FOXP1: variants seen among roughly 807,000 people sequenced by gnomAD.
FOXP1 encodes the protein forkhead box protein P1.
A neutral mutation model predicts 98.2 loss-of-function variants in FOXP1; 15 were observed. That is an observed-to-expected ratio of 0.15 (90% confidence interval 0.10 to 0.24). The LOEUF (loss-of-function observed/expected upper bound fraction) is 0.24, where lower values mean the gene tolerates loss of function less well. Among genes scored for constraint, FOXP1 ranks in the 10% least tolerant of loss-of-function variants. The pLI is 1.00. For missense variants in FOXP1, 633 were observed against 848.5 expected (o/e 0.75, Z 3.15); for synonymous variants, 371 against 314.5 (o/e 1.18, Z -1.90).
rs141922129 is a variant in FOXP1, at chr3:71,492,596, G to A, written c.-168+830C>T. ...TTTAGAATTTGCTTCCAATACTACTGCACTAAGACAGAAAAAGATGAGGGT... is the reference window on the plus strand; with the variant it reads ...TTTAGAATTTGCTTCCAATACTACTACACTAAGACAGAAAAAGATGAGGGT... On this transcript the variant is annotated intron_variant, in intron 3 of 20. Coordinates refer to ENST00000649528, the MANE Select transcript of FOXP1 (RefSeq NM_001349338.3). Among the ~76,000 whole-genome samples the A allele has an allele frequency of 3.8e-3, 577 of 152,100 alleles. 1 individual carries two copies. The highest frequency in any genetic ancestry group is 6.0e-3 in the Non-Finnish European group (407 of 68,004).
chr3:71,381,172 A>C (rs1233746303), intron 3 of FOXP1, among the ~76,000 whole-genome samples: 1 of 142,176 alleles, frequency 7.0e-6, no homozygotes, highest in African/African-American at 2.6e-5. Context: ...TTTTTTTGAG[A>C]TGGAGTCTTG....
At chr3:71,289,395 T>C (rs1249158057) in intron 5 of FOXP1, 2 of 151,882 alleles carry the variant, frequency 1.3e-5, no homozygotes, top group Non-Finnish European at 2.9e-5. Context: ...CAGGCTGGAG[T>C]GAAGTGGTTA....
chr3:71,290,064 T>A (rs1049012749), intron 5 of FOXP1: 1 of 152,212 alleles, frequency 6.6e-6, no homozygotes, highest in Non-Finnish European at 1.5e-5. Flanking sequence ...CAGGACTACA[T>A]ATCCAAATGC....
At chr3:71,360,279 T>C (rs569382820) in intron 3 of FOXP1, among the ~76,000 whole-genome samples, 14 of 152,274 alleles carry the variant, frequency 9.2e-5, no homozygotes, top group African/African-American at 3.1e-4. Flanking sequence ...ACAGGCGCCC[T>C]ACTAGCGAAA....
At chr3:71,377,327 A>G (rs1316764257) in intron 3 of FOXP1, among the ~76,000 whole-genome samples, 1 of 152,252 alleles carries the variant, frequency 6.6e-6, no homozygotes, top group African/African-American at 2.4e-5. Flanking sequence ...GGCATTCAGC[A>G]AAACAATACT....
intron 4 of FOXP1, among the ~76,000 whole-genome samples, chr3:71,345,906 G>A (rs1455269241): frequency 2.5e-5 from 2 of 79,844 alleles, no homozygotes; most frequent in Non-Finnish European, 6.7e-5. Flanking sequence ...AAAGAGGAGT[G>A]AGGTGGTTAA....
chr3:71,569,780 ACTTT>A (rs2047192390), intron 2 of FOXP1, among the ~76,000 whole-genome samples: 1 of 149,974 alleles, frequency 6.7e-6, no homozygotes, highest in African/African-American at 2.4e-5. Flanking sequence ...ATCAGTCTCC[ACTTT>A]CTTTTTTTTT....
chr3:71,277,211 G>A (rs1270489185), intron 5 of FOXP1, among the ~76,000 whole-genome samples: 1 of 150,666 alleles, frequency 6.6e-6, no homozygotes, highest in Admixed American at 6.6e-5. Flanking sequence ...GCCCGACTCA[G>A]CCTTCCAAAG....
intron 3 of FOXP1, among the ~76,000 whole-genome samples, chr3:71,387,866 A>C (rs1268707402): frequency 1.3e-5 from 2 of 152,230 alleles, no homozygotes; most frequent in African/African-American, 4.8e-5. Context: ...ATTGAAAAAA[A>C]GTTTGTAACT....
At chr3:70,968,289 C>T (rs1438500391) in intron 19 of FOXP1, 1 of 151,368 alleles carries the variant, frequency 6.6e-6, no homozygotes, top group Non-Finnish European at 1.5e-5. Context: ...AACACGCTCT[C>T]TGTTAAGCAA....
At chr3:71,449,571 T>A (rs1477218432) in intron 3 of FOXP1, among the ~76,000 whole-genome samples, 1 of 152,216 alleles carries the variant, frequency 6.6e-6, no homozygotes, top group Non-Finnish European at 1.5e-5. Context: ...TCTTTGCAAC[T>A]TTGTGAGGGT....
intron 5 of FOXP1, among the ~76,000 whole-genome samples, chr3:71,205,933 A>T (rs1344948281): frequency 6.6e-6 from 1 of 152,240 alleles, no homozygotes; most frequent in East Asian, 1.9e-4. Context: ...AAGAGGAAGA[A>T]AAGAAATAGG....
At chr3:71,244,218 T>C (rs968858340) in intron 5 of FOXP1, among the ~76,000 whole-genome samples, 1 of 152,152 alleles carries the variant, frequency 6.6e-6, no homozygotes, top group Admixed American at 6.5e-5. Context: ...AACGAGTCCA[T>C]TCTACTAAAG....
intron 2 of FOXP1, among the ~76,000 whole-genome samples, chr3:71,550,235 A>C (rs974120723): frequency 1.3e-5 from 2 of 152,176 alleles, no homozygotes; most frequent in African/African-American, 4.8e-5. Context: ...ACCTGCCCCC[A>C]AGTAAAACGA....
chr3:71,433,584 T>C (rs1014644923), intron 3 of FOXP1, among the ~76,000 whole-genome samples: 3 of 152,192 alleles, frequency 2.0e-5, no homozygotes, highest in Non-Finnish European at 4.4e-5. Context: ...TAAACTAAAA[T>C]AAAAATCCAC....
At chr3:71,053,274 A>G (rs2050156965) in intron 8 of FOXP1, among the ~76,000 whole-genome samples, 1 of 152,204 alleles carries the variant, frequency 6.6e-6, no homozygotes, top group East Asian at 1.9e-4. Flanking sequence ...AAATGGGGAC[A>G]TCAAGAGCTG....
chr3:71,136,283 T>C (rs1215433539), intron 6 of FOXP1, among the ~76,000 whole-genome samples: 9 of 152,238 alleles, frequency 5.9e-5, no homozygotes, highest in Non-Finnish European at 4.4e-5. Flanking sequence ...GAAGCTACCC[T>C]TTCCTGTTAT....
chr3:71,399,392 A>T (rs942171059), intron 3 of FOXP1, among the ~76,000 whole-genome samples: 2 of 152,256 alleles, frequency 1.3e-5, no homozygotes, highest in Non-Finnish European at 2.9e-5. Flanking sequence ...ACACTTAAGG[A>T]AAGTATAAAA....
intron 2 of FOXP1, among the ~76,000 whole-genome samples, chr3:71,520,536 G>A (rs1341950445): frequency 6.6e-6 from 1 of 152,162 alleles, no homozygotes; most frequent in Non-Finnish European, 1.5e-5. Context: ...AGGATATAAG[G>A]GGGCCTTTCC....
Sources: gnomAD v4.1 joint callset for allele counts (sites outside exome capture counted in the v4.1 genomes callset) on GRCh38, gnomAD v4.1.1 for gene constraint, MANE v1.5 for transcripts, NCBI Gene and HGNC (gene_info 2026-07-23, HGNC 2026-07-21) for gene names.